Variants in GLDC observed in about 807,000 individuals in gnomAD.
GLDC encodes glycine decarboxylase, also known as glycine dehydrogenase (decarboxylating), mitochondrial.
GLDC carries 104 observed loss-of-function variants against 121.3 expected under a neutral mutation model. The observed-to-expected ratio is 0.86, with a 90% CI of 0.73 to 1.01. The LOEUF (loss-of-function observed/expected upper bound fraction) is 1.01. GLDC is among the 50% of genes least tolerant of loss of function. The probability of loss-of-function intolerance (pLI) is 0.00; values close to 1 mark genes in which losing one functional copy is unlikely to be tolerated. For synonymous variants in GLDC, 546 were observed against 480.6 expected (o/e 1.14, Z -1.78); for missense variants, 1,429 against 1,306.6 (o/e 1.09, Z -1.44).
chr9:6,605,799 TG>T (rs1177963191), intron 5 of GLDC: 1 of 218,166 alleles, frequency 4.6e-6, no homozygotes, highest in African/African-American at 2.3e-5. Context: ...TAGTGGTTGT[TG>T]CGAGGATTGT....
intron 8 of GLDC, 109 bp downstream of exon 8, chr9:6,602,000 G>C: frequency 1.3e-6 from 1 of 750,304 alleles, no homozygotes; most frequent in South Asian, 1.4e-5. Context: ...TTTCTGGTGT[G>C]CTCACTGCTC....
At chr9:6,542,980 T>A (rs12553292) in intron 21 of GLDC, among the ~76,000 whole-genome samples, 1 of 150,670 alleles carries the variant, frequency 6.6e-6, no homozygotes, top group African/African-American at 2.4e-5. Flanking sequence ...GTAAGTGGAA[T>A]GTTCAAGGGG....
At chr9:6,596,558 T>C (rs1277398021) in intron 8 of GLDC, among the ~76,000 whole-genome samples, 24 of 151,988 alleles carry the variant, frequency 1.6e-4, no homozygotes, top group Admixed American at 1.5e-3. Flanking sequence ...AAGAAGAACA[T>C]AACAAGACCC....
chr9:6,578,760 T>G (rs1205746213), intron 15 of GLDC, among the ~76,000 whole-genome samples: 1 of 152,180 alleles, frequency 6.6e-6, no homozygotes, highest in Non-Finnish European at 1.5e-5. Context: ...CTTGAACTCC[T>G]GGGATCAAGT....
intron 2 of GLDC, among the ~76,000 whole-genome samples, chr9:6,622,451 CCGGGCTGGTCT>C (rs1819124273): frequency 1.3e-5 from 2 of 151,126 alleles, no homozygotes; most frequent in South Asian, 4.2e-4. Context: ...CCTGTGTTGG[CCGGGCTGGTCT>C]CCAGCTCCTA....
At chr9:6,563,796 C>A (rs1343773078) in intron 16 of GLDC, among the ~76,000 whole-genome samples, 2 of 152,128 alleles carry the variant, frequency 1.3e-5, no homozygotes, top group South Asian at 2.1e-4. Flanking sequence ...AGGGTTTAAT[C>A]ATTTATTCAA....
chr9:6,563,922 G>A (rs1464134003), intron 16 of GLDC, among the ~76,000 whole-genome samples: 1 of 151,842 alleles, frequency 6.6e-6, no homozygotes, highest in African/African-American at 2.4e-5. Context: ...CTTGAGCCCA[G>A]GAGTTCAAGG....
intron 11 of GLDC, among the ~76,000 whole-genome samples, chr9:6,590,253 A>C (rs1818350456): frequency 6.7e-6 from 1 of 149,798 alleles, no homozygotes; most frequent in South Asian, 2.1e-4. Flanking sequence ...AGAATGGAAG[A>C]AAATATATGT....
rs191795314 is a variant in GLDC, at chr9:6,553,491, C to T, written c.2334G>A (p.Pro778=). The part of the protein sequence containing the change: ...GPIGVKKHLA[P]FLPNHPVISL... ...AAATGACGGGATGATTGGGCAAAAA[C>T]GGGGCGAGATGTTTCTTCCTGTATT... Residue 778 remains proline, a synonymous_variant, in exon 20 of 25, where the codon CCG becomes CCA. Transcript: ENST00000321612. The T allele has an allele frequency of 7.3e-5, 117 of 1,612,980 alleles. No homozygotes were observed. Among genetic ancestry groups the T allele is most frequent in the Admixed American group, 1.7e-4 (10 of 59,816 alleles).
intron 4 of GLDC, among the ~76,000 whole-genome samples, chr9:6,607,192 C>A (rs1390453270): frequency 6.6e-6 from 1 of 152,158 alleles, no homozygotes; most frequent in Non-Finnish European, 1.5e-5. Context: ...GGTTCAATTT[C>A]TATGTTTACT....
intron 8 of GLDC, among the ~76,000 whole-genome samples, chr9:6,595,821 C>T (rs532704959): frequency 2.8e-4 from 43 of 152,232 alleles, no homozygotes; most frequent in Middle Eastern, 3.4e-3. Context: ...AATACAAAAC[C>T]CTGTCTCTGC....
intron 21 of GLDC, chr9:6,541,655 T>A (rs72693601): frequency 0.25 from 37,214 of 150,936 alleles, 5,023 homozygotes; most frequent in Admixed American, 0.3. Context: ...AAACCCTGTC[T>A]CTACGAAAAA....
chr9:6,645,428 C>G lies in GLDC; in HGVS notation c.72G>C (p.Gly24=), dbSNP rs1161994258. The change falls in exon 1 of 25, where the codon GGG becomes GGC. Residue 24 remains glycine, a synonymous_variant. Coordinates refer to ENST00000321612, the MANE Select transcript of GLDC (RefSeq NM_000170.3). ...GCGGCGCCCAGCACGGCCCCGATCC[C>G]CCAGCCAGGCGGCGGCCGCCCCCGA... The part of the protein sequence containing the change: ...RGVGGGRRLA[G]GSGPCWAPRS... The G allele has an allele frequency of 3.8e-6, 5 of 1,301,682 alleles. No individual in the cohort carries two copies. In the Admixed American group the frequency reaches 1.6e-4, roughly 42 times the overall value. 80.6% of individuals were successfully genotyped at this position (1,301,682 alleles called of 1,614,324 possible).
intron 2 of GLDC, among the ~76,000 whole-genome samples, chr9:6,627,469 C>G (rs747399865): frequency 5.9e-5 from 9 of 152,100 alleles, no homozygotes; most frequent in Admixed American, 1.3e-4. Context: ...CCTGTGGACT[C>G]TGCCCCTATC....
At chr9:6,578,140 C>T (rs982270212) in intron 15 of GLDC, among the ~76,000 whole-genome samples, 10 of 150,488 alleles carry the variant, frequency 6.6e-5, no homozygotes, top group Non-Finnish European at 1.3e-4. Flanking sequence ...CTTTTTTTTT[C>T]GAGACAGGAT....
chr9:6,616,648 C>G (rs1821892), intron 3 of GLDC, among the ~76,000 whole-genome samples: 34,765 of 152,126 alleles, frequency 0.23, 4,636 homozygotes, highest in East Asian at 0.43. Flanking sequence ...ACATGCCTGT[C>G]ATCTATAATG....
At chr9:6,641,136 T>G (rs144426064) in intron 2 of GLDC, among the ~76,000 whole-genome samples, 12 of 152,352 alleles carry the variant, frequency 7.9e-5, no homozygotes, top group African/African-American at 2.9e-4. Flanking sequence ...GGGAGCATCC[T>G]TAGTGACTGA....
At chr9:6,609,745 T>C (rs1406856815) in intron 4 of GLDC, among the ~76,000 whole-genome samples, 125 of 150,338 alleles carry the variant, frequency 8.3e-4, no homozygotes, top group Non-Finnish European at 2.2e-4. Flanking sequence ...ATTTCCACCC[T>C]AGCCTCACTG....
chr9:6,625,752 C>T (rs2129968748), intron 2 of GLDC, among the ~76,000 whole-genome samples: 1 of 151,758 alleles, frequency 6.6e-6, no homozygotes, highest in Middle Eastern at 3.4e-3. Flanking sequence ...TGATAGTAGC[C>T]CTAGCTGTTA....
Sources: allele counts gnomAD v4.1 joint callset (sites outside exome capture counted in the v4.1 genomes callset), GRCh38; gene constraint gnomAD v4.1.1; transcripts MANE v1.5; gene names NCBI Gene and HGNC (gene_info 2026-07-23, HGNC 2026-07-21).